OTOG: variants seen among roughly 807,000 people sequenced by gnomAD.
OTOG encodes the protein otogelin.
A neutral mutation model predicts 313.8 loss-of-function variants in OTOG; 296 were observed. That is an observed-to-expected ratio of 0.94 (90% confidence interval 0.86 to 1.04). The LOEUF is 1.04. Among genes scored for constraint, OTOG ranks in the 50% least tolerant of loss-of-function variants. The pLI is 0.00. For synonymous variants in OTOG, 1,533 were observed against 1,554.9 expected, an observed-to-expected ratio of 0.99 and a Z score of 0.33; for missense variants, 3,948 against 3,840.1, an observed-to-expected ratio of 1.03 and a Z score of -0.74.
intron 38 of OTOG, among the ~76,000 whole-genome samples, chr11:17,613,247 CTT>C (rs1565118980): frequency 7.0e-4 from 88 of 125,338 alleles, no homozygotes; most frequent in African/African-American, 2.9e-3. Context: ...TTCTTTCTTT[CTT>C]TCTTTCTTTC....
chr11:17,638,641 C>T (rs1847903624), intron 48 of OTOG, 92 bp downstream of exon 48: 2 of 1,482,120 alleles, frequency 1.3e-6, no homozygotes, highest in East Asian at 2.5e-5. Context: ...ACCGTCCACT[C>T]CTCTCAGATC....
chr11:17,599,396 A>G (rs1853189457), intron 30 of OTOG, among the ~76,000 whole-genome samples: 1 of 152,118 alleles, frequency 6.6e-6, no homozygotes. Flanking sequence ...TCTTTTCAAC[A>G]TTCATTCGTT....
At chr11:17,637,678 G>T (rs1409572262) in intron 47 of OTOG, among the ~76,000 whole-genome samples, 1 of 152,062 alleles carries the variant, frequency 6.6e-6, no homozygotes, top group Non-Finnish European at 1.5e-5. Flanking sequence ...CCCAGATTAG[G>T]GTGATGACCG....
At chr11:17,562,046 A>AAAAAATATAT (rs1440986349) in intron 15 of OTOG, among the ~76,000 whole-genome samples, 6 of 139,830 alleles carry the variant, frequency 4.3e-5, no homozygotes, top group South Asian at 2.2e-4. Context: ...CTAAAAAAAA[A>AAAAAATATAT]ATATATATAT....
intron 49 of OTOG, 67 bp from the exon 50 acceptor site, chr11:17,640,678 G>A: frequency 6.7e-7 from 1 of 1,484,252 alleles, no homozygotes; most frequent in Non-Finnish European, 9.1e-7. Flanking sequence ...GGGCCCAGGT[G>A]GCAGACTGCT....
At chr11:17,564,337 G>A (rs764436708) in intron 15 of OTOG, among the ~76,000 whole-genome samples, 8 of 152,126 alleles carry the variant, frequency 5.3e-5, no homozygotes, top group Non-Finnish European at 7.4e-5. Flanking sequence ...TAGTCCTATA[G>A]GTCAGAAAAA....
chr11:17,595,265 G>A (rs1007006554), intron 28 of OTOG, among the ~76,000 whole-genome samples: 1 of 152,262 alleles, frequency 6.6e-6, no homozygotes, highest in Non-Finnish European at 1.5e-5. Context: ...ACTAACCCTT[G>A]TTCTCCCCAC....
chr11:17,569,321 G>A, intron 16 of OTOG, 33 bp downstream of exon 16: 1 of 1,549,382 alleles, frequency 6.5e-7, no homozygotes. Flanking sequence ...GACCTAGTTG[G>A]GAACTGAGGG....
chr11:17,574,265 T>C (rs1043603024), intron 19 of OTOG, among the ~76,000 whole-genome samples: 1 of 152,092 alleles, frequency 6.6e-6, no homozygotes, highest in African/African-American at 2.4e-5. Flanking sequence ...GGGAGCACAG[T>C]TGATATCCAC....
intron 23 of OTOG, among the ~76,000 whole-genome samples, chr11:17,582,800 T>C (rs1249431284): frequency 6.6e-6 from 1 of 152,180 alleles, no homozygotes; most frequent in Non-Finnish European, 1.5e-5. Flanking sequence ...ATTTTTAAAT[T>C]TGGTCTTTTT....
At chr11:17,631,139 CCAGCTG>C (rs1258510397) in intron 40 of OTOG, among the ~76,000 whole-genome samples, 1 of 152,122 alleles carries the variant, frequency 6.6e-6, no homozygotes, top group Non-Finnish European at 1.5e-5. Context: ...ATGATCTCAC[CCAGCTG>C]CAAGGGCATC....
intron 48 of OTOG, 36 bp from the exon 49 acceptor site, chr11:17,639,387 C>T: frequency 1.3e-6 from 2 of 1,550,214 alleles, no homozygotes; most frequent in South Asian, 1.2e-5. Flanking sequence ...CTGGACATCC[C>T]TGATGAAGTG....
chr11:17,641,621 C>T (rs1238987706), intron 51 of OTOG, among the ~76,000 whole-genome samples: 1 of 152,154 alleles, frequency 6.6e-6, no homozygotes, highest in Non-Finnish European at 1.5e-5. Context: ...CCTTACTTAG[C>T]AGAAATGGCT....
At chr11:17,576,975 T>C in intron 22 of OTOG, 64 bp downstream of exon 22, 1 of 1,482,510 alleles carries the variant, frequency 6.7e-7, no homozygotes, top group Non-Finnish European at 9.1e-7. Flanking sequence ...GAGTGGGGAG[T>C]GGAGCACTGA....
intron 39 of OTOG, among the ~76,000 whole-genome samples, chr11:17,621,468 T>C (rs1853862051): frequency 6.6e-6 from 1 of 152,178 alleles, no homozygotes; most frequent in Non-Finnish European, 1.5e-5. Flanking sequence ...TTTCTGTCTG[T>C]TTCTCTCAGG....
At chr11:17,620,291 C>A (rs560787951) in intron 39 of OTOG, among the ~76,000 whole-genome samples, 4 of 152,180 alleles carry the variant, frequency 2.6e-5, no homozygotes, top group Non-Finnish European at 5.9e-5. Flanking sequence ...CTGCCTGTTG[C>A]CTCTGGATTT....
At chr11:17,557,928 A>G (rs1852089834) in intron 8 of OTOG, among the ~76,000 whole-genome samples, 1 of 152,172 alleles carries the variant, frequency 6.6e-6, no homozygotes, top group South Asian at 2.1e-4. Flanking sequence ...TTTCCGGTGC[A>G]TGGTGCTGCA....
chr11:17,566,387 C>T (rs1001388803), intron 15 of OTOG, among the ~76,000 whole-genome samples: 6 of 152,184 alleles, frequency 3.9e-5, no homozygotes, highest in African/African-American at 1.2e-4. Context: ...CAAATATTTT[C>T]AATCCATGGT....
At position 17,558,307 on chromosome 11, in the gene OTOG, A is replaced by G; in HGVS notation, c.988A>G (p.Thr330Ala). ...ACCGTGCCTACAGCAGAACCCAGGA[A>G]CCATGCAGGTCTGGAGCTTGGGGAG... is the stretch of plus-strand genomic sequence containing the variant. ...RPPCLQQNPG[T>A]MQGVYEQCEA... The change falls in exon 9 of 56, where the codon ACC becomes GCC. Residue 330 changes from threonine to alanine, a missense_variant. By Grantham distance (58) the Thr-to-Ala change is moderately conservative (BLOSUM62 0). Coordinates refer to ENST00000399397, the MANE Select transcript of OTOG (RefSeq NM_001292063.2). The G allele has an allele frequency of 1.3e-6, 2 of 1,550,774 alleles. No individual in the cohort carries two copies. Among genetic ancestry groups the G allele is most frequent in the Non-Finnish European group, 1.7e-6 (2 of 1,146,998 alleles).
Sources: allele counts gnomAD v4.1 joint callset (sites outside exome capture counted in the v4.1 genomes callset), GRCh38; gene constraint gnomAD v4.1.1; transcripts MANE v1.5; gene names NCBI Gene and HGNC (gene_info 2026-07-23, HGNC 2026-07-21).